Variants in RSPO2 observed in about 807,000 individuals in gnomAD.
The protein encoded by RSPO2 is R-spondin 2, also known as R-spondin-2.
Under a neutral mutation model 30.9 loss-of-function variants are expected in RSPO2, and 14 were observed. The ratio of observed to expected loss-of-function variants is 0.45; its 90% CI spans 0.30 to 0.71. The LOEUF (loss-of-function observed/expected upper bound fraction) is 0.71, where lower values mean the gene tolerates loss of function less well. RSPO2 is among the 30% of genes least tolerant of loss of function. The probability of loss-of-function intolerance (pLI) is 0.08; values close to 1 mark genes in which losing one functional copy is unlikely to be tolerated. For synonymous variants in RSPO2, 107 were observed against 96.4 expected (o/e 1.11, Z -0.64); for missense variants, 264 against 301.9 (o/e 0.87, Z 0.93).
intron 2 of RSPO2, among the ~76,000 whole-genome samples, chr8:108,030,073 T>C (rs1181925014): frequency 7.4e-6 from 1 of 134,504 alleles, no homozygotes; most frequent in African/African-American, 2.8e-5. Context: ...GTTTGGTACC[T>C]GGGTTGTAGA....
intron 2 of RSPO2, among the ~76,000 whole-genome samples, chr8:108,029,054 CTTTTTTTTTTTTTT>C (rs71308771): frequency 9.2e-4 from 24 of 26,166 alleles, no homozygotes; most frequent in East Asian, 2.1e-3. Context: ...TAACATGAGT[CTTTTTTTTTTTTTT>C]TTTTTTTTTT....
At chr8:108,022,586 T>C (rs1417502095) in intron 2 of RSPO2, among the ~76,000 whole-genome samples, 3 of 152,194 alleles carry the variant, frequency 2.0e-5, no homozygotes, top group African/African-American at 7.2e-5. Flanking sequence ...TGTATTTACA[T>C]ATCAAAACAT....
At chr8:108,068,883 A>G (rs1812752873) in intron 2 of RSPO2, among the ~76,000 whole-genome samples, 1 of 152,230 alleles carries the variant, frequency 6.6e-6, no homozygotes, top group Non-Finnish European at 1.5e-5. Context: ...TTTAGCCTCC[A>G]GATGGTGAGA....
chr8:107,995,807 T>C (rs1318370764), intron 2 of RSPO2, among the ~76,000 whole-genome samples: 2 of 152,104 alleles, frequency 1.3e-5, no homozygotes, highest in African/African-American at 4.8e-5. Flanking sequence ...CTCATTTGAA[T>C]AGTTATGAAG....
intron 2 of RSPO2, among the ~76,000 whole-genome samples, chr8:108,059,306 C>A (rs866509383): frequency 6.6e-5 from 10 of 151,636 alleles, no homozygotes; most frequent in Non-Finnish European, 1.0e-4. Flanking sequence ...AATGAGATAC[C>A]ATCTCATACC....
intron 2 of RSPO2, among the ~76,000 whole-genome samples, chr8:108,047,812 C>G (rs1248087480): frequency 1.3e-5 from 2 of 150,938 alleles, no homozygotes; most frequent in African/African-American, 4.9e-5. Flanking sequence ...GATCATGCCA[C>G]TGCACTCCAG....
intron 5 of RSPO2, among the ~76,000 whole-genome samples, chr8:107,903,009 A>G (rs2130242995): frequency 6.6e-6 from 1 of 152,248 alleles, no homozygotes; most frequent in East Asian, 1.9e-4. Flanking sequence ...AGTTACAACT[A>G]TTTAGTAACA....
At chr8:107,919,532 A>G (rs1478862032) in intron 5 of RSPO2, among the ~76,000 whole-genome samples, 1 of 152,092 alleles carries the variant, frequency 6.6e-6, no homozygotes, top group Non-Finnish European at 1.5e-5. Context: ...CAAGATTCTG[A>G]CCCTCTGTAA....
At chr8:107,962,366 A>G (rs930776249) in intron 3 of RSPO2, among the ~76,000 whole-genome samples, 3 of 152,204 alleles carry the variant, frequency 2.0e-5, no homozygotes, top group African/African-American at 7.2e-5. Flanking sequence ...TTGCCTTTCA[A>G]TTTTGAGTCT....
chr8:107,910,410 G>A (rs1017651889), intron 5 of RSPO2, among the ~76,000 whole-genome samples: 2 of 152,196 alleles, frequency 1.3e-5, no homozygotes, highest in African/African-American at 4.8e-5. Context: ...GTACATGCCT[G>A]TAGTCCCAAC....
intron 2 of RSPO2, among the ~76,000 whole-genome samples, chr8:108,070,435 G>A (rs2130723329): frequency 6.6e-6 from 1 of 151,974 alleles, no homozygotes; most frequent in African/African-American, 2.4e-5. Flanking sequence ...TGGGACTACA[G>A]GTGCCCGCCA....
At chr8:108,053,949 A>C (rs1812155337) in intron 2 of RSPO2, among the ~76,000 whole-genome samples, 1 of 152,188 alleles carries the variant, frequency 6.6e-6, no homozygotes, top group Admixed American at 6.5e-5. Flanking sequence ...CATTTTCTTG[A>C]AATCCACAGT....
intron 3 of RSPO2, chr8:107,983,911 T>G: frequency 7.8e-7 from 1 of 1,280,522 alleles, no homozygotes; most frequent in Non-Finnish European, 1.1e-6. Flanking sequence ...ATTTTCCATC[T>G]ACAGAACTTC....
intron 5 of RSPO2, among the ~76,000 whole-genome samples, chr8:107,918,693 C>A (rs2130300664): frequency 6.6e-6 from 1 of 152,208 alleles, no homozygotes; most frequent in Middle Eastern, 3.4e-3. Flanking sequence ...AACAGAGTCC[C>A]ATCAAAGCCA....
chr8:108,041,734 C>T (rs1189811637), intron 2 of RSPO2, among the ~76,000 whole-genome samples: 1 of 152,026 alleles, frequency 6.6e-6, no homozygotes, highest in Non-Finnish European at 1.5e-5. Context: ...GGAAGAGTCA[C>T]TATTGGGGAA....
At chr8:107,999,501 G>A (rs185711948) in intron 2 of RSPO2, among the ~76,000 whole-genome samples, 89 of 152,236 alleles carry the variant, frequency 5.8e-4, no homozygotes, top group Non-Finnish European at 8.8e-4. Context: ...GTGGCACTAT[G>A]TTGGCTCACT....
At chr8:107,973,861 A>G (rs1441256444) in intron 3 of RSPO2, among the ~76,000 whole-genome samples, 3 of 152,166 alleles carry the variant, frequency 2.0e-5, no homozygotes, top group Non-Finnish European at 2.9e-5. Context: ...TGGAAAAAGC[A>G]TAAGCCGCAG....
intron 5 of RSPO2, among the ~76,000 whole-genome samples, chr8:107,908,379 G>GA (rs780588644): frequency 2.6e-5 from 4 of 152,108 alleles, no homozygotes; most frequent in Non-Finnish European, 5.9e-5. Flanking sequence ...GCACAAACAA[G>GA]AAGAGATAGT....
In RSPO2 at chr8:108,020,752, C is replaced by T. The variant is rs529599528; in HGVS notation, c.95-31508G>A. Among the ~76,000 whole-genome samples, 22 of 152,252 alleles carry T rather than the reference C, an allele frequency of 1.4e-4. No individual in the cohort carries two copies. In the East Asian group the frequency reaches 4.2e-3, roughly 29 times the overall value. ...CCTATAAAGGAACATGCAATCTCCT[C>T]CAGGAAGACTTCCCTGATACTCTAA... On this transcript the variant is annotated intron_variant, in intron 2 of 5. Coordinates refer to ENST00000276659, the MANE Select transcript of RSPO2 (RefSeq NM_178565.5).
Sources: allele counts gnomAD v4.1 joint callset (sites outside exome capture counted in the v4.1 genomes callset), GRCh38; gene constraint gnomAD v4.1.1; transcripts MANE v1.5; gene names NCBI Gene and HGNC (gene_info 2026-07-23, HGNC 2026-07-21).